AGO2: variants seen among roughly 807,000 people sequenced by gnomAD.
AGO2 encodes the protein argonaute RISC catalytic component 2.
A neutral mutation model predicts 102.3 loss-of-function variants in AGO2; 5 were observed. The ratio of observed to expected loss-of-function variants is 0.05; its 90% confidence interval spans 0.03 to 0.10. The LOEUF is 0.10. AGO2 is among the 10% of genes least tolerant of loss of function. The pLI is 1.00. For missense variants in AGO2, 541 were observed against 1,183.7 expected (o/e 0.46, Z 7.97); for synonymous variants, 449 against 473.1 (o/e 0.95, Z 0.66).
At chr8:140,564,225 A>G (rs1216453724) in intron 3 of AGO2, among the ~76,000 whole-genome samples, 1 of 152,128 alleles carries the variant, frequency 6.6e-6, no homozygotes, top group African/African-American at 2.4e-5. Context: ...CAGGGGATGC[A>G]GCACAGCTGA....
chr8:140,615,380 C>G (rs932210871), intron 1 of AGO2, among the ~76,000 whole-genome samples: 1 of 152,256 alleles, frequency 6.6e-6, no homozygotes, highest in Non-Finnish European at 1.5e-5. Flanking sequence ...TAGTCAGCAC[C>G]CACTCCTTGC....
At chr8:140,629,883 A>AAGAGG (rs1452835059) in intron 1 of AGO2, among the ~76,000 whole-genome samples, 1 of 110,964 alleles carries the variant, frequency 9.0e-6, no homozygotes, top group African/African-American at 3.4e-5. Context: ...GAGCAGGGGG[A>AAGAGG]AGAGGAGGGG....
chr8:140,556,067 T>C (rs1165222689), intron 9 of AGO2, 49 bp from the exon 10 acceptor site: 2 of 1,611,864 alleles, frequency 1.2e-6, no homozygotes, highest in African/African-American at 1.3e-5. Context: ...AGGCCTCCCA[T>C]CTCTCTAGCA....
chr8:140,616,251 A>G (rs972201811), intron 1 of AGO2, among the ~76,000 whole-genome samples: 1 of 152,232 alleles, frequency 6.6e-6, no homozygotes, highest in Non-Finnish European at 1.5e-5. Context: ...TGAGATTCCT[A>G]CAGGAGAGGC....
chr8:140,541,173 C>T lies in AGO2; in HGVS notation c.2025G>A (p.Gln675=). 6.4e-7 allele frequency: 1 copy of T among 1,556,686 alleles called. No individual in the cohort carries two copies. The highest frequency in any genetic ancestry group is 8.7e-7 in the Non-Finnish European group (1 of 1,149,452). ...IFYRDGVSEG[Q]FQQVLHHELL... ...TCCAAGAGGCGCCCACCTGCTGGAACTGGCCTTCAGAGACACCGTCGCGGT... is the reference window on the plus strand; with the variant it reads ...TCCAAGAGGCGCCCACCTGCTGGAATTGGCCTTCAGAGACACCGTCGCGGT... Residue 675 remains glutamine (Q), a synonymous_variant, in exon 15 of 19, where the codon CAG becomes CAA. Transcript: ENST00000220592.
chr8:140,549,073 C>G (rs370438946), intron 12 of AGO2, 41 bp downstream of exon 12: 1,043 of 1,557,910 alleles, frequency 6.7e-4, no homozygotes, highest in Non-Finnish European at 8.5e-4. Flanking sequence ...CCACGGAGAC[C>G]ACGACGGCTC....
At chr8:140,623,528 C>T (rs1192404254) in intron 1 of AGO2, among the ~76,000 whole-genome samples, 3 of 152,194 alleles carry the variant, frequency 2.0e-5, no homozygotes, top group Non-Finnish European at 2.9e-5. Context: ...CAGTCAGGCC[C>T]CCGGCTGGAC....
rs1419189708 is a variant in AGO2 at position 140,585,133 on chromosome 8, C to T, written c.201G>A (p.Pro67=). 31 of 1,613,958 alleles carry T rather than the reference C, an allele frequency of 1.9e-5. No individual in the cohort carries two copies. Among genetic ancestry groups the T allele is most frequent in the East Asian group, 4.5e-5 (2 of 44,894 alleles). ...AAACGTAATACCTGTTAACTCTCCT[C>T]GGGCACTTCTCTGGCTTGATATCCA... ...YELDIKPEKC[P]RRVNREIVEH... is the part of the protein sequence containing the mutation. Residue 67 remains proline, a synonymous_variant, in exon 2 of 19, where the codon CCG becomes CCA. Coordinates refer to ENST00000220592, the MANE Select transcript of AGO2 (RefSeq NM_012154.5).
chr8:140,624,657 G>C (rs1016571454), intron 1 of AGO2, among the ~76,000 whole-genome samples: 2 of 152,246 alleles, frequency 1.3e-5, no homozygotes, highest in Non-Finnish European at 2.9e-5. Context: ...CCACACCAGT[G>C]AGCAACGGGC....
At chr8:140,553,277 G>A (rs998665872) in intron 10 of AGO2, among the ~76,000 whole-genome samples, 2 of 151,968 alleles carry the variant, frequency 1.3e-5, no homozygotes, top group African/African-American at 2.4e-5. Context: ...CCAGCAATTC[G>A]AGAGGCTGAG....
In AGO2 at chr8:140,532,025, C is replaced by A. The variant is rs968692466; in HGVS notation, c.*19G>T. On this transcript the variant is annotated 3_prime_UTR_variant, in exon 19 of 19. Transcript: ENST00000220592. Reference sequence around the variant, plus strand: ...TCGTGAATCCCACTCGGTACACAATCGCTAAACACTAAAACATGTCAAGCA... The same window carrying A: ...TCGTGAATCCCACTCGGTACACAATAGCTAAACACTAAAACATGTCAAGCA... 4 of 1,610,258 alleles carry A rather than the reference C, an allele frequency of 2.5e-6. No homozygotes were observed. The African/African-American group carries it at 4.0e-5, about 16-fold the overall frequency.
At chr8:140,574,192 C>T (rs1259057427) in intron 2 of AGO2, among the ~76,000 whole-genome samples, 1 of 130,296 alleles carries the variant, frequency 7.7e-6, no homozygotes, top group Non-Finnish European at 1.6e-5. Flanking sequence ...ACTCTGCAAA[C>T]CTCCTGCTGG....
intron 1 of AGO2, among the ~76,000 whole-genome samples, chr8:140,612,995 C>T (rs1364061552): frequency 4.6e-5 from 7 of 151,914 alleles, no homozygotes; most frequent in Non-Finnish European, 7.4e-5. Context: ...GTCAGGAGAT[C>T]GACACCATCC....
intron 14 of AGO2, among the ~76,000 whole-genome samples, chr8:140,543,668 A>C (rs2072841415): frequency 6.6e-6 from 1 of 152,210 alleles, no homozygotes; most frequent in African/African-American, 2.4e-5. Flanking sequence ...CTGGAATGTA[A>C]GCATTTTCTG....
the AGO2 span, among the ~76,000 whole-genome samples, chr8:140,642,030 C>A: frequency 6.7e-6 from 1 of 149,472 alleles, no homozygotes; most frequent in African/African-American, 2.5e-5. Flanking sequence ...CAACAGAGAC[C>A]GTCTCAAAAA....
In AGO2 at chr8:140,562,302, A is replaced by G. The variant is rs1369003188; in HGVS notation, c.518+151T>C. On this transcript the variant is annotated intron_variant, in intron 4 of 18. Coordinates refer to ENST00000220592, the MANE Select transcript of AGO2 (RefSeq NM_012154.5). Reference sequence around the variant, plus strand: ...TTAACACTGTTTCCACCTTAGCACCATTTGTGTTATCTTCATCACAGAAAA... The same window carrying G: ...TTAACACTGTTTCCACCTTAGCACCGTTTGTGTTATCTTCATCACAGAAAA... The G allele has an allele frequency of 3.6e-5, 35 of 961,926 alleles. No homozygotes were observed. In the East Asian group the frequency reaches 9.3e-4, roughly 25 times the overall value. The allele number at this position is 961,926 out of a possible 1,614,324, so 59.6% of individuals were successfully genotyped here.
At chr8:140,606,573 C>A (rs566066893) in intron 1 of AGO2, among the ~76,000 whole-genome samples, 1 of 152,340 alleles carries the variant, frequency 6.6e-6, no homozygotes, top group Non-Finnish European at 1.5e-5. Flanking sequence ...CCAAACTAAG[C>A]CTATACATTC....
intron 3 of AGO2, among the ~76,000 whole-genome samples, chr8:140,568,103 CAAA>C (rs553804959): frequency 0.33 from 36,351 of 110,592 alleles, 5,097 homozygotes; most frequent in East Asian, 0.56. Context: ...ACTAAAAATA[CAAA>C]AAAAAAAAAA....
In AGO2 at chr8:140,568,070, C is replaced by A. The variant is rs1412989247; in HGVS notation, c.336+4742G>T. 4.0e-5 allele frequency among the ~76,000 whole-genome samples: 5 copies of A among 123,542 alleles called. No homozygotes were observed. In the Admixed American group the frequency reaches 4.8e-4, roughly 12 times the overall value. 81.0% of individuals were successfully genotyped at this position (123,542 alleles called of 152,430 possible). A position where few individuals can be genotyped will look rare whatever the true frequency, so the allele number is the denominator to read the frequency against. ...GTCAGGAGTTTGAGACCAGCCTGAC[C>A]AACATGGTAAAACCCCGTCTCTACT... On this transcript the variant is annotated intron_variant, in intron 3 of 18. Transcript: ENST00000220592.
Sources: gnomAD v4.1 joint callset for allele counts (sites outside exome capture counted in the v4.1 genomes callset) on GRCh38, gnomAD v4.1.1 for gene constraint, MANE v1.5 for transcripts, NCBI Gene and HGNC (gene_info 2026-07-23, HGNC 2026-07-21) for gene names.